The following PHF24 variants were observed in gnomAD, a reference collection of about 807,000 sequenced individuals.
PHF24 encodes PHD finger protein 24.
Under a neutral mutation model 42.6 loss-of-function variants are expected in PHF24, and 25 were observed. The observed-to-expected ratio is 0.59, with a 90% CI of 0.43 to 0.82. The LOEUF is 0.82. PHF24 is among the 40% of genes least tolerant of loss of function. The pLI is 0.00. For missense variants in PHF24, 470 were observed against 538.1 expected, an observed-to-expected ratio of 0.87 and a Z score of 1.25; for synonymous variants, 185 against 204.8, an observed-to-expected ratio of 0.90 and a Z score of 0.83.
the PHF24 span, chr9:34,665,985 G>A: frequency 4.5e-6 from 2 of 441,478 alleles, no homozygotes; most frequent in Non-Finnish European, 8.2e-6. Flanking sequence ...CACCTGGAGG[G>A]GGGGCTGAGA....
the PHF24 span, among the ~76,000 whole-genome samples, chr9:34,856,122 A>G: frequency 4.6e-5 from 7 of 152,186 alleles, no homozygotes; most frequent in Non-Finnish European, 1.0e-4. Flanking sequence ...TAGCTCTATC[A>G]GGTCAGCTAT....
chr9:34,951,062 T>C, the PHF24 span, among the ~76,000 whole-genome samples: 5 of 152,238 alleles, frequency 3.3e-5, no homozygotes, highest in Non-Finnish European at 4.4e-5. Context: ...ATTATATGCC[T>C]ATTATATTAG....
the PHF24 span, chr9:34,728,056 C>G: frequency 6.4e-7 from 1 of 1,551,978 alleles, no homozygotes; most frequent in African/African-American, 1.4e-5. Flanking sequence ...TGTGGCTTCT[C>G]AGCTTCTTCC....
the PHF24 span, among the ~76,000 whole-genome samples, chr9:34,885,070 C>T: frequency 6.6e-6 from 1 of 152,216 alleles, no homozygotes; most frequent in African/African-American, 2.4e-5. Context: ...TCTGTGTCTT[C>T]CTCCTACATG....
At chr9:34,926,115 A>G in the PHF24 span, among the ~76,000 whole-genome samples, 1 of 152,188 alleles carries the variant, frequency 6.6e-6, no homozygotes. This position sits in a 1 kb window ranked among gnomAD's most constrained non-coding sequence, Gnocchi z 4.3. Context: ...ATTTGTGGCA[A>G]TGGTGGTGCA....
chr9:34,705,439 C>T, the PHF24 span, among the ~76,000 whole-genome samples: 1 of 150,680 alleles, frequency 6.6e-6, no homozygotes, highest in Non-Finnish European at 1.5e-5. Flanking sequence ...GCACATGCCA[C>T]TACACCAGCT....
the PHF24 span, among the ~76,000 whole-genome samples, chr9:34,877,274 C>G: frequency 5.3e-5 from 7 of 131,960 alleles, no homozygotes; most frequent in Admixed American, 5.5e-4. Flanking sequence ...GAGCCAGACT[C>G]TGTCTCAAAA....
At chr9:34,740,190 C>G in the PHF24 span, among the ~76,000 whole-genome samples, 1 of 152,220 alleles carries the variant, frequency 6.6e-6, no homozygotes, top group Non-Finnish European at 1.5e-5. Context: ...GATTCCGCAC[C>G]GGGGCTGCGG....
chr9:34,740,993 C>A, the PHF24 span, among the ~76,000 whole-genome samples: 6 of 151,932 alleles, frequency 3.9e-5, no homozygotes, highest in Non-Finnish European at 8.8e-5. Flanking sequence ...TCAAGCAATT[C>A]TCCTGCTTCA....
At chr9:34,702,615 C>A in the PHF24 span, among the ~76,000 whole-genome samples, 2 of 152,160 alleles carry the variant, frequency 1.3e-5, no homozygotes, top group Non-Finnish European at 2.9e-5. Context: ...GTCACAAGGT[C>A]ATACAATTCC....
chr9:34,971,758 T>C (rs1587473066), intron 2 of PHF24, 82 bp downstream of exon 2: 1 of 1,459,272 alleles, frequency 6.9e-7, no homozygotes, highest in African/African-American at 1.4e-5. Context: ...GGTAAGGTGA[T>C]CCTCAAAACC....
the PHF24 span, among the ~76,000 whole-genome samples, chr9:34,847,409 A>G: frequency 6.6e-6 from 1 of 151,830 alleles, no homozygotes; most frequent in Non-Finnish European, 1.5e-5. Context: ...TTTGTCTGTT[A>G]TTGGTGTATA....
At chr9:34,715,310 A>G in the PHF24 span, among the ~76,000 whole-genome samples, 1 of 152,032 alleles carries the variant, frequency 6.6e-6, no homozygotes, top group Non-Finnish European at 1.5e-5. Context: ...AGCTCGGATG[A>G]TGAGAGAGCC....
At chr9:34,881,589 A>G in the PHF24 span, among the ~76,000 whole-genome samples, 11 of 152,174 alleles carry the variant, frequency 7.2e-5, no homozygotes, top group African/African-American at 2.4e-4. Context: ...ACACCTCTAC[A>G]CAAATAAACT....
chr9:34,676,061 G>A, the PHF24 span, among the ~76,000 whole-genome samples: 16 of 152,292 alleles, frequency 1.1e-4, no homozygotes, highest in Admixed American at 9.8e-4. Flanking sequence ...GGGAGGTGGA[G>A]TGGGGGAGTT....
the PHF24 span, among the ~76,000 whole-genome samples, chr9:34,702,914 C>T: frequency 6.6e-6 from 1 of 152,144 alleles, no homozygotes; most frequent in Non-Finnish European, 1.5e-5. Flanking sequence ...AGGATAGAAA[C>T]GTTGATGACT....
At chr9:34,668,964 T>A in the PHF24 span, among the ~76,000 whole-genome samples, 1 of 152,144 alleles carries the variant, frequency 6.6e-6, no homozygotes, top group Non-Finnish European at 1.5e-5. Context: ...TACTCCCCAC[T>A]CCATGTAAAT....
At chr9:34,681,740 G>A in the PHF24 span, among the ~76,000 whole-genome samples, 1 of 152,310 alleles carries the variant, frequency 6.6e-6, no homozygotes, top group African/African-American at 2.4e-5. Flanking sequence ...GAACCCAGGA[G>A]TTGGAGATTG....
the PHF24 span, among the ~76,000 whole-genome samples, chr9:34,666,654 A>G: frequency 6.6e-6 from 1 of 151,410 alleles, no homozygotes; most frequent in African/African-American, 2.4e-5. Flanking sequence ...TGTAGTAGTA[A>G]AGAAGACAGG....
Sources: allele counts gnomAD v4.1 joint callset (sites outside exome capture counted in the v4.1 genomes callset), GRCh38; gene constraint gnomAD v4.1.1; non-coding constraint Gnocchi (gnomAD v3.1); transcripts MANE v1.5; gene names NCBI Gene and HGNC (gene_info 2026-07-23, HGNC 2026-07-21).